SPP1: variants seen among roughly 807,000 people sequenced by gnomAD.
The protein encoded by SPP1 is secreted phosphoprotein 1.
A neutral mutation model predicts 20.8 loss-of-function variants in SPP1; 18 were observed. That is an observed-to-expected ratio of 0.87 (90% confidence interval 0.60 to 1.29). The LOEUF (loss-of-function observed/expected upper bound fraction) is 1.29, where lower values mean the gene tolerates loss of function less well. Among genes scored for constraint, SPP1 ranks in the 50% most tolerant of loss-of-function variants. The pLI, the probability that SPP1 is intolerant of heterozygous loss-of-function variation, is 0.00. For synonymous variants in SPP1, 146 were observed against 141.5 expected (o/e 1.03, Z -0.23); for missense variants, 363 against 389.0 (o/e 0.93, Z 0.56).
intron 1 of SPP1, among the ~76,000 whole-genome samples, chr4:87,976,313 C>T (rs1410470624): frequency 6.6e-6 from 1 of 152,126 alleles, no homozygotes; most frequent in African/African-American, 2.4e-5. Context: ...AATAGAAAAG[C>T]TGTTGGCTAT....
rs1271904882 is a variant in SPP1 at position 87,982,671 on chromosome 4, C to G, written c.720C>G (p.His240Gln). The G allele has an allele frequency of 6.2e-7, 1 of 1,614,072 alleles. No homozygotes were observed. ...LDDQSAETHSHKQSRLYKRKA... is the reference protein window; with the variant it reads ...LDDQSAETHSQKQSRLYKRKA... ...ACCAGAGTGCTGAAACCCACAGCCA[C>G]AAGCAGTCCAGATTATATAAGCGGA... Residue 240 changes from histidine (H) to glutamine (Q), a missense_variant, in exon 7 of 7, where the codon CAC (histidine) becomes CAG (glutamine). His to Gln is a conservative substitution (Grantham distance 24). Transcript: ENST00000395080.
intron 3 of SPP1, 129 bp downstream of exon 3, chr4:87,977,226 A>C (rs1725415935): frequency 1.1e-6 from 1 of 932,022 alleles, no homozygotes; most frequent in African/African-American, 1.6e-5. Context: ...GTATTGATTG[A>C]CTGCCTGCTA....
Position 87,979,801 on chromosome 4 carries a change from C to T in SPP1, c.94-245C>T, listed in dbSNP as rs1489562196. On this transcript the variant is annotated intron_variant, in intron 3 of 6. Transcript: ENST00000395080. ...GTGGGAATAATAATGATACCTATCT[C>T]ATAGGGGAATGAAAGGATCAAATGA... 2.6e-5 allele frequency among the ~76,000 whole-genome samples: 4 copies of T among 151,622 alleles called. No individual in the cohort carries two copies. In the East Asian group the frequency reaches 7.7e-4, roughly 29 times the overall value.
In SPP1 at chr4:87,982,632, G is replaced by T; in HGVS notation, c.681G>T (p.Thr227=). The T allele has an allele frequency of 6.2e-7, 1 of 1,614,092 alleles. No homozygotes were observed. The highest frequency in any genetic ancestry group is 8.5e-7 in the Non-Finnish European group (1 of 1,180,036). The change falls in exon 7 of 7, where the codon ACG becomes ACT. Residue 227 remains threonine, a synonymous_variant. Transcript: ENST00000395080. ...WDSRGKDSYE[T]SQLDDQSAET... ...GCCGTGGGAAGGACAGTTATGAAAC[G>T]AGTCAGCTGGATGACCAGAGTGCTG...
chr4:87,978,047 G>A (rs1009213314), intron 3 of SPP1: 4 of 197,240 alleles, frequency 2.0e-5, no homozygotes, highest in South Asian at 8.7e-5. Flanking sequence ...TAGAAGGCAC[G>A]TGGAGCTATA....
chr4:87,980,200 A>G (rs1725586734), intron 4 of SPP1, 74 bp downstream of exon 4: 1 of 1,555,674 alleles, frequency 6.4e-7, no homozygotes, highest in Non-Finnish European at 8.9e-7. Flanking sequence ...GGCTGCTCAG[A>G]TGAATCCTGC....
At chr4:87,981,437 AC>A (rs1305667499) in intron 5 of SPP1, 37 bp from the exon 6 acceptor site, 1 of 1,568,858 alleles carries the variant, frequency 6.4e-7, no homozygotes, top group Admixed American at 1.8e-5. Context: ...GAAAATAAAA[AC>A]CCATATATTA....
At chr4:87,980,183 C>A in intron 4 of SPP1, 57 bp downstream of exon 4, 1 of 1,589,086 alleles carries the variant, frequency 6.3e-7, no homozygotes, top group Non-Finnish European at 8.6e-7. Flanking sequence ...CACACTCAGG[C>A]CATTTGGGCT....
Position 87,983,041 on chromosome 4 carries a change from T to C in SPP1, c.*145T>C, listed in dbSNP as rs1479090158. On this transcript the variant is annotated 3_prime_UTR_variant, in exon 7 of 7. Transcript: ENST00000395080. ...TTGAGTCTGGAAATAACTAATGTGT[T>C]TGATAATTAGTTTAGTTTGTGGCTT... The C allele has an allele frequency of 5.9e-6, 5 of 847,628 alleles. No homozygotes were observed. The African/African-American group carries it at 6.9e-5, about 12-fold the overall frequency. 52.5% of individuals were successfully genotyped at this position (847,628 alleles called of 1,614,324 possible). A position where few individuals can be genotyped will look rare whatever the true frequency, so the allele number is the denominator to read the frequency against.
intron 4 of SPP1, 120 bp from the exon 5 acceptor site, chr4:87,980,273 G>C: frequency 2.0e-6 from 3 of 1,492,016 alleles, no homozygotes; most frequent in Non-Finnish European, 2.8e-6. Flanking sequence ...TTCTCTCTGT[G>C]TTAAGCCATC....
rs1181626635 is a variant in SPP1, at chr4:87,983,075, C to A, written c.*179C>A. On this transcript the variant is annotated 3_prime_UTR_variant, in exon 7 of 7. Transcript: ENST00000395080. The stretch of plus-strand genomic sequence containing the variant: ...AGTTTAGTTTGTGGCTTCATGGAAA[C>A]TCCCTGTAAACTAAAAGCTTCAGGG... 6.2e-6 allele frequency: 4 copies of A among 647,782 alleles called. No individual in the cohort carries two copies. The East Asian group carries it at 8.8e-5, about 14-fold the overall frequency. The allele number at this position is 647,782 out of a possible 1,614,324, so 40.1% of individuals were successfully genotyped here. A position where few individuals can be genotyped will look rare whatever the true frequency, so the allele number is the denominator to read the frequency against.
intron 5 of SPP1, chr4:87,980,662 A>G (rs1725604338): frequency 1.9e-6 from 1 of 538,776 alleles, no homozygotes; most frequent in Admixed American, 3.6e-5. Flanking sequence ...TATTTGAAAC[A>G]TTAATCTGCT....
rs765949949 is a variant in SPP1 at position 87,981,741 on chromosome 4, T to C, written c.483T>C (p.Asp161=). ...PTVDTYDGRG[D]SVVYGLRSKS... ...TAGACACATATGATGGCCGAGGTGA[T>C]AGTGTGGTTTATGGACTGAGGTCAA... The change falls in exon 6 of 7, where the codon GAT becomes GAC. Residue 161 remains aspartate, a synonymous_variant. Transcript: ENST00000395080. 3.1e-6 allele frequency: 5 copies of C among 1,614,192 alleles called. No individual in the cohort carries two copies. Among genetic ancestry groups the C allele is most frequent in the South Asian group, 2.2e-5 (2 of 91,092 alleles).
Position 87,983,130 on chromosome 4 carries a change from T to C in SPP1, c.*234T>C. ...GTCTATGTTCATTCTATAGAAGAAA[T>C]GCAAACTATCACTGTATTTTAATAT... On this transcript the variant is annotated 3_prime_UTR_variant, in exon 7 of 7. Transcript: ENST00000395080. The C allele has an allele frequency of 2.4e-6, 1 of 412,870 alleles. No homozygotes were observed. Among genetic ancestry groups the C allele is most frequent in the Middle Eastern group, 6.3e-4 (1 of 1,578 alleles). The allele number at this position is 412,870 out of a possible 1,614,324, so 25.6% of individuals were successfully genotyped here.
Position 87,977,891 on chromosome 4 carries a change from T to C in SPP1, c.93+794T>C, listed in dbSNP as rs749138800. The C allele has an allele frequency of 4.5e-6, 5 of 1,111,174 alleles. No individual in the cohort carries two copies. In the South Asian group the frequency reaches 1.0e-4, roughly 22 times the overall value. 68.8% of individuals were successfully genotyped at this position (1,111,174 alleles called of 1,614,324 possible). ...TTGTGTGTGGAGGGGTGTGTGTGTCTGTTTTTCAACTGATTTGAAAATACA... is the reference window on the plus strand; with the variant it reads ...TTGTGTGTGGAGGGGTGTGTGTGTCCGTTTTTCAACTGATTTGAAAATACA... On this transcript the variant is annotated intron_variant, in intron 3 of 6. Coordinates refer to ENST00000395080, the MANE Select transcript of SPP1 (RefSeq NM_001040058.2).
chr4:87,980,401 G>A lies in SPP1; in HGVS notation c.183G>A (p.Val61=). Residue 61 remains valine, a synonymous_variant, in exon 5 of 7, where the codon GTG becomes GTA. Transcript: ENST00000395080. ...TGCCATTCCTTCTTCAGAATGCTGT[G>A]TCCTCTGAAGAAACCAATGACTTTA... ...KQNLLAPQNA[V]SSEETNDFKQ... 1 of 1,614,146 alleles carries A rather than the reference G, an allele frequency of 6.2e-7. No individual in the cohort carries two copies. The highest frequency in any genetic ancestry group is 2.2e-5 in the East Asian group (1 of 44,886).
At position 87,982,617 on chromosome 4, in the gene SPP1, G is replaced by A. The variant is rs1028775425; in HGVS notation, c.666G>A (p.Lys222=). The change falls in exon 7 of 7, where the codon AAG becomes AAA. Residue 222 remains lysine (K), a synonymous_variant. Transcript: ENST00000395080. Reference sequence around the variant, plus strand: ...CTTCTGATTGGGACAGCCGTGGGAAGGACAGTTATGAAACGAGTCAGCTGG... The same window carrying A: ...CTTCTGATTGGGACAGCCGTGGGAAAGACAGTTATGAAACGAGTCAGCTGG... ...NAPSDWDSRG[K]DSYETSQLDD... The A allele has an allele frequency of 3.7e-6, 6 of 1,614,082 alleles. No homozygotes were observed. The highest frequency in any genetic ancestry group is 5.1e-6 in the Non-Finnish European group (6 of 1,180,026).
chr4:87,982,328 G>A (rs1476135727), intron 6 of SPP1, among the ~76,000 whole-genome samples, 164 bp from the exon 7 acceptor site: 1 of 152,108 alleles, frequency 6.6e-6, no homozygotes, highest in East Asian at 1.9e-4. Context: ...ATATGTGAAA[G>A]GCCTTGGTAA....
chr4:87,983,158 G>T lies in SPP1; in HGVS notation c.*262G>T. The T allele has an allele frequency of 3.3e-6, 1 of 306,256 alleles. No individual in the cohort carries two copies. Among genetic ancestry groups the T allele is most frequent in the Non-Finnish European group, 6.0e-6 (1 of 167,028 alleles). The allele number at this position is 306,256 out of a possible 1,614,324, so 19.0% of individuals were successfully genotyped here. A position where few individuals can be genotyped will look rare whatever the true frequency, so the allele number is the denominator to read the frequency against. ...AAACTATCACTGTATTTTAATATTT[G>T]TTATTCTCTCATGAATAGAAATTTA... On this transcript the variant is annotated 3_prime_UTR_variant, in exon 7 of 7. Coordinates refer to ENST00000395080, the MANE Select transcript of SPP1 (RefSeq NM_001040058.2).
Sources: gnomAD v4.1 joint callset for allele counts (sites outside exome capture counted in the v4.1 genomes callset) on GRCh38, gnomAD v4.1.1 for gene constraint, MANE v1.5 for transcripts, NCBI Gene and HGNC (gene_info 2026-07-23, HGNC 2026-07-21) for gene names.